The following AGBL1 variants were observed in gnomAD, a reference collection of about 807,000 sequenced individuals.
AGBL1 encodes the protein AGBL carboxypeptidase 1, also known as cytosolic carboxypeptidase 4.
In AGBL1, 130 loss-of-function variants were observed where a neutral mutation model predicts 118.9. The observed-to-expected ratio is 1.09, with a 90% CI of 0.95 to 1.26. AGBL1 has a LOEUF of 1.26. Ranked by LOEUF, AGBL1 falls within the 50% of genes most tolerant of loss-of-function variation. AGBL1 has a pLI of 0.00. For missense variants in AGBL1, 1,584 were observed against 1,298.1 expected, an observed-to-expected ratio of 1.22 and a Z score of -3.38; for synonymous variants, 555 against 478.9, an observed-to-expected ratio of 1.16 and a Z score of -2.08.
At chr15:86,701,834 C>T (rs2086365106) in intron 22 of AGBL1, among the ~76,000 whole-genome samples, 1 of 148,836 alleles carries the variant, frequency 6.7e-6, no homozygotes, top group Admixed American at 6.7e-5. Flanking sequence ...CTCCTTTCCA[C>T]TCCCCATCTC....
At chr15:86,427,569 AAG>A (rs1465929353) in intron 18 of AGBL1, among the ~76,000 whole-genome samples, 1 of 150,234 alleles carries the variant, frequency 6.7e-6, no homozygotes, top group South Asian at 2.1e-4. Context: ...AAAAAAAAAA[AAG>A]GACACCTATT....
intron 22 of AGBL1, among the ~76,000 whole-genome samples, chr15:86,732,572 A>G: frequency 6.6e-6 from 1 of 152,228 alleles, no homozygotes; most frequent in Admixed American, 6.5e-5. Context: ...TAAGAAAGAT[A>G]GTACTCTTTT....
intron 22 of AGBL1, among the ~76,000 whole-genome samples, chr15:86,734,668 G>A (rs947833204): frequency 1.1e-4 from 17 of 152,086 alleles, no homozygotes; most frequent in Admixed American, 3.9e-4. Context: ...TCTCTATTGC[G>A]ACAAAGCAAT....
intron 18 of AGBL1, among the ~76,000 whole-genome samples, chr15:86,441,878 T>C (rs1475362594): frequency 6.6e-6 from 1 of 152,252 alleles, no homozygotes; most frequent in Non-Finnish European, 1.5e-5. Flanking sequence ...TCTCAGGTGC[T>C]GGGCTGAGAT....
intron 22 of AGBL1, among the ~76,000 whole-genome samples, chr15:86,862,625 G>T (rs541690163): frequency 6.6e-6 from 1 of 152,124 alleles, no homozygotes; most frequent in Non-Finnish European, 1.5e-5. Context: ...GAGGGCTGAC[G>T]CAGGAGACTC....
At chr15:86,158,230 C>A (rs1313482543) in intron 4 of AGBL1, among the ~76,000 whole-genome samples, 1 of 152,152 alleles carries the variant, frequency 6.6e-6, no homozygotes, top group African/African-American at 2.4e-5. Flanking sequence ...ATCTGAAAGA[C>A]TGTAGTGAGA....
chr15:86,698,416 G>A (rs2086299403), intron 22 of AGBL1, among the ~76,000 whole-genome samples: 1 of 151,962 alleles, frequency 6.6e-6, no homozygotes, highest in Non-Finnish European at 1.5e-5. Context: ...GCCTCAGTAC[G>A]AATAAGGATT....
intron 18 of AGBL1, among the ~76,000 whole-genome samples, chr15:86,488,222 C>A (rs563203084): frequency 1.4e-4 from 21 of 152,092 alleles, no homozygotes; most frequent in African/African-American, 5.1e-4. Context: ...TCTCTAATTG[C>A]AGCCAGGATT....
intron 16 of AGBL1, among the ~76,000 whole-genome samples, chr15:86,288,052 C>G (rs2079482442): frequency 6.6e-6 from 1 of 152,172 alleles, no homozygotes; most frequent in African/African-American, 2.4e-5. Flanking sequence ...CACCACAGCA[C>G]TTACACACTA....
At chr15:86,879,606 G>T (rs188614744) in intron 22 of AGBL1, among the ~76,000 whole-genome samples, 45 of 152,098 alleles carry the variant, frequency 3.0e-4, no homozygotes, top group Non-Finnish European at 5.4e-4. Context: ...TGTAATTACC[G>T]AAGGAACTCC....
chr15:86,345,113 G>A (rs2080516297), intron 17 of AGBL1, among the ~76,000 whole-genome samples: 1 of 152,028 alleles, frequency 6.6e-6, no homozygotes, highest in African/African-American at 2.4e-5. Context: ...CATGTCAAAA[G>A]TTCTTTACAC....
chr15:86,708,151 C>T (rs918901676), intron 22 of AGBL1, among the ~76,000 whole-genome samples: 1 of 152,102 alleles, frequency 6.6e-6, no homozygotes, highest in Non-Finnish European at 1.5e-5. Context: ...GTGCTCTCCT[C>T]TCTCCAAATG....
intron 22 of AGBL1, among the ~76,000 whole-genome samples, chr15:86,893,672 T>C (rs2080083453): frequency 6.6e-6 from 1 of 152,140 alleles, no homozygotes. Context: ...TGCATTTATA[T>C]AGGTTTATGT....
downstream of AGBL1, among the ~76,000 whole-genome samples, chr15:87,030,785 T>A (rs2081775622): frequency 6.6e-6 from 1 of 151,988 alleles, no homozygotes. Context: ...TAGAAAGCTA[T>A]CCCAGTTCCT....
At chr15:86,867,565 C>T (rs900919027) in intron 22 of AGBL1, among the ~76,000 whole-genome samples, 4 of 152,018 alleles carry the variant, frequency 2.6e-5, no homozygotes, top group African/African-American at 7.2e-5. Flanking sequence ...GGTGAAGACT[C>T]ATTGTGTTAT....
chr15:86,825,232 T>G (rs2078990473), intron 22 of AGBL1, among the ~76,000 whole-genome samples: 1 of 151,716 alleles, frequency 6.6e-6, no homozygotes, highest in African/African-American at 2.4e-5. Flanking sequence ...GACCTACAAC[T>G]CACACCTTAT....
chr15:86,864,405 T>G (rs562378831), intron 22 of AGBL1, among the ~76,000 whole-genome samples: 1 of 152,332 alleles, frequency 6.6e-6, no homozygotes, highest in South Asian at 2.1e-4. Flanking sequence ...TAAGTACTTT[T>G]TGCATTAGTT....
At chr15:86,285,846 C>G (rs1042080654) in intron 16 of AGBL1, among the ~76,000 whole-genome samples, 1 of 152,158 alleles carries the variant, frequency 6.6e-6, no homozygotes, top group Non-Finnish European at 1.5e-5. Context: ...CCTGTCCAGC[C>G]AACACTATTT....
At chr15:86,627,926 G>A (rs1337558079) in intron 21 of AGBL1, among the ~76,000 whole-genome samples, 2 of 152,198 alleles carry the variant, frequency 1.3e-5, no homozygotes, top group African/African-American at 4.8e-5. Flanking sequence ...ACAGCGTCCT[G>A]CCCATCAAAG....
Sources: gnomAD v4.1 joint callset for allele counts (sites outside exome capture counted in the v4.1 genomes callset) on GRCh38, gnomAD v4.1.1 for gene constraint, MANE v1.5 for transcripts, NCBI Gene and HGNC (gene_info 2026-07-23, HGNC 2026-07-21) for gene names.